Variants in ZBTB37 observed in about 807,000 individuals in gnomAD.
ZBTB37 encodes the protein zinc finger and BTB domain-containing protein 37.
ZBTB37 carries 15 observed loss-of-function variants against 37.7 expected under a neutral mutation model. The ratio of observed to expected loss-of-function variants is 0.40; its 90% CI spans 0.27 to 0.61. ZBTB37 has a LOEUF of 0.61. ZBTB37 is among the 20% of genes least tolerant of loss of function. The pLI, the probability that ZBTB37 is intolerant of heterozygous loss-of-function variation, is 0.44. For missense variants in ZBTB37, 514 were observed against 641.9 expected (o/e 0.80, Z 2.15); for synonymous variants, 231 against 220.6 (o/e 1.05, Z -0.42).
chr1:173,883,728 G>A (rs1392484915), intron 4 of ZBTB37, among the ~76,000 whole-genome samples: 1 of 152,154 alleles, frequency 6.6e-6, no homozygotes, highest in Non-Finnish European at 1.5e-5. Flanking sequence ...TAAAACCTCA[G>A]TCTTAGTATT....
At chr1:173,893,667 ATAAC>A (rs960384848) in exon 4 of ZBTB37, 1 of 152,270 alleles carries the variant, frequency 6.6e-6, no homozygotes, top group Non-Finnish European at 1.5e-5. Context: ...AATGTTAAAA[ATAAC>A]TAACTTTTTT....
intron 2 of ZBTB37, among the ~76,000 whole-genome samples, chr1:173,869,649 G>GT (rs1655378757): frequency 8.9e-6 from 1 of 112,572 alleles, no homozygotes; most frequent in Non-Finnish European, 1.7e-5. Context: ...AAGTCTTTTT[G>GT]TGGGGGGGGC....
chr1:173,902,322 A>G (rs1442869088), exon 4 of ZBTB37: 1 of 152,264 alleles, frequency 6.6e-6, no homozygotes, highest in Non-Finnish European at 1.5e-5. Flanking sequence ...CTTGCTAATC[A>G]AGGAGGATTC....
chr1:173,878,299 C>T (rs1656096872), intron 4 of ZBTB37, among the ~76,000 whole-genome samples: 1 of 152,154 alleles, frequency 6.6e-6, no homozygotes. Context: ...AGTTTTGTGT[C>T]TCCTGTTAAA....
At chr1:173,895,674 C>G (rs1657017611) in exon 4 of ZBTB37, 1 of 152,194 alleles carries the variant, frequency 6.6e-6, no homozygotes, top group African/African-American at 2.4e-5. Context: ...ACCTTTCATA[C>G]AGGAAAATTC....
intron 4 of ZBTB37, among the ~76,000 whole-genome samples, chr1:173,883,458 C>T (rs1416418350): frequency 6.6e-6 from 1 of 152,014 alleles, no homozygotes; most frequent in African/African-American, 2.4e-5. Context: ...GCAAAAAGAG[C>T]GAAACTCCGT....
downstream of ZBTB37, chr1:173,889,823 G>T (rs1656773592): frequency 1.3e-5 from 2 of 152,182 alleles, no homozygotes; most frequent in South Asian, 4.1e-4. Flanking sequence ...GTTCATAGAG[G>T]ATAAAGTTTG....
intron 2 of ZBTB37, 42 bp downstream of exon 2, chr1:173,869,162 C>T (rs1655308526): frequency 6.6e-6 from 1 of 152,512 alleles, no homozygotes; most frequent in African/African-American, 2.4e-5. Context: ...AGTGTATACA[C>T]TTCCCTATTT....
At chr1:173,903,110 T>C (rs1044698210) in exon 4 of ZBTB37, 3 of 152,146 alleles carry the variant, frequency 2.0e-5, no homozygotes, top group African/African-American at 7.2e-5. Flanking sequence ...TTTCTAAGTA[T>C]CAGATTTGTT....
At chr1:173,875,725 A>G (rs374113064) in intron 4 of ZBTB37, among the ~76,000 whole-genome samples, 12 of 151,216 alleles carry the variant, frequency 7.9e-5, no homozygotes, top group African/African-American at 2.9e-4. Context: ...TGCGATCTCA[A>G]CTCACTTTAG....
intron 4 of ZBTB37, among the ~76,000 whole-genome samples, chr1:173,877,382 T>C (rs1295409034): frequency 6.8e-6 from 1 of 147,088 alleles, no homozygotes; most frequent in East Asian, 1.9e-4. Context: ...TCTTTTTTTT[T>C]TTTTTTTTTT....
chr1:173,872,263 T>C (rs1264000873), intron 3 of ZBTB37, among the ~76,000 whole-genome samples: 2 of 152,040 alleles, frequency 1.3e-5, no homozygotes, highest in East Asian at 1.9e-4. Flanking sequence ...TTAGTAGAGA[T>C]GGGGTTTTAC....
intron 3 of ZBTB37, among the ~76,000 whole-genome samples, chr1:173,872,305 C>T (rs1159283383): frequency 6.6e-6 from 1 of 152,004 alleles, no homozygotes; most frequent in East Asian, 1.9e-4. Context: ...GATCTCCTGA[C>T]CTCGTGACCC....
exon 4 of ZBTB37, chr1:173,894,801 T>G (rs971801471): frequency 6.6e-6 from 1 of 152,178 alleles, no homozygotes; most frequent in African/African-American, 2.4e-5. Flanking sequence ...TTAATGTTTT[T>G]TTTGTTTTGT....
rs142778594 is a variant in ZBTB37 at position 173,869,668 on chromosome 1, T to C, written c.-29-529T>C. ...CTTTTTGTGGGGGGGGCTCTGATTC[T>C]TAAGCTTAGAAATATTAGCCTACAT... On this transcript the variant is annotated intron_variant, in intron 2 of 4. Transcript: ENST00000427304. 1.1e-3 allele frequency among the ~76,000 whole-genome samples: 168 copies of C among 152,338 alleles called. 1 individual carries two copies. Among genetic ancestry groups the C allele is most frequent in the African/African-American group, 3.8e-3 (159 of 41,580 alleles).
chr1:173,894,563 C>T (rs1656971105), exon 4 of ZBTB37: 1 of 152,236 alleles, frequency 6.6e-6, no homozygotes, highest in African/African-American at 2.4e-5. Flanking sequence ...ACGAGGACAG[C>T]TAAGGCCTCT....
At chr1:173,895,659 T>G (rs888272928) in exon 4 of ZBTB37, 3 of 152,226 alleles carry the variant, frequency 2.0e-5, no homozygotes, top group Admixed American at 6.5e-5. Context: ...CCTTTCATTC[T>G]TGTTACCTTT....
At chr1:173,889,337 T>C (rs899183050), downstream of ZBTB37, 2 of 152,220 alleles carry the variant, frequency 1.3e-5, no homozygotes, top group Non-Finnish European at 2.9e-5. Context: ...ATGTACTAAA[T>C]GGACTTTGTT....
intron 3 of ZBTB37, 128 bp from the exon 4 acceptor site, chr1:173,873,339 C>A: frequency 1.1e-6 from 1 of 879,760 alleles, no homozygotes; most frequent in Non-Finnish European, 1.7e-6. Context: ...AAAACTATTC[C>A]TCAGTTATTT....
Sources: allele counts gnomAD v4.1 joint callset (sites outside exome capture counted in the v4.1 genomes callset), GRCh38; gene constraint gnomAD v4.1.1; transcripts MANE v1.5; gene names NCBI Gene and HGNC (gene_info 2026-07-23, HGNC 2026-07-21).